Variants in PLXNB2 observed in about 807,000 individuals in gnomAD.
PLXNB2 encodes plexin-B2.
Under a neutral mutation model 202.6 loss-of-function variants are expected in PLXNB2, and 85 were observed. The ratio of observed to expected loss-of-function variants is 0.42; its 90% CI spans 0.35 to 0.50. The LOEUF is 0.50. Among genes scored for constraint, PLXNB2 ranks in the 20% least tolerant of loss-of-function variants. The probability of loss-of-function intolerance (pLI) is 0.02; values close to 1 mark genes in which losing one functional copy is unlikely to be tolerated. For missense variants in PLXNB2, 2,063 were observed against 2,586.2 expected, an observed-to-expected ratio of 0.80 and a Z score of 4.39; for synonymous variants, 1,239 against 1,137.6, an observed-to-expected ratio of 1.09 and a Z score of -1.79.
chr22:50,302,373 G>A (rs1278421874), intron 1 of PLXNB2, among the ~76,000 whole-genome samples: 2 of 152,210 alleles, frequency 1.3e-5, no homozygotes, highest in African/African-American at 4.8e-5. Flanking sequence ...CCCGTGGCTG[G>A]AGCTGTGTGG....
At chr22:50,304,769 G>A (rs868729706) in intron 1 of PLXNB2, among the ~76,000 whole-genome samples, 1 of 152,040 alleles carries the variant, frequency 6.6e-6, no homozygotes, top group Non-Finnish European at 1.5e-5. Context: ...CTGAGGGAGG[G>A]AGGGGCTGTG....
rs372540030 is a variant in PLXNB2, at chr22:50,303,397, C to T, written c.-74+4156G>A. On this transcript the variant is annotated intron_variant, in intron 1 of 36. Coordinates refer to ENST00000359337, the MANE Select transcript of PLXNB2 (RefSeq NM_012401.4). ...GGAAGGAGCAGACAGTGCCCCCAGACGCCAATCTGACAGGGGGCCCAATCT... is the reference window on the plus strand; with the variant it reads ...GGAAGGAGCAGACAGTGCCCCCAGATGCCAATCTGACAGGGGGCCCAATCT... 3.0e-4 allele frequency among the ~76,000 whole-genome samples: 46 copies of T among 152,320 alleles called. 1 individual carries two copies. The highest frequency in any genetic ancestry group is 6.3e-4 in the African/African-American group (26 of 41,584).
intron 1 of PLXNB2, chr22:50,300,194 G>T: frequency 1.2e-6 from 1 of 861,924 alleles, no homozygotes; most frequent in Non-Finnish European, 1.4e-6. Context: ...GCGCGGGCGG[G>T]TGGGAGTCTG....
intron 1 of PLXNB2, among the ~76,000 whole-genome samples, 163 bp downstream of exon 1, chr22:50,307,390 A>G (rs2067928354): frequency 6.6e-6 from 1 of 150,636 alleles, no homozygotes; most frequent in Admixed American, 6.6e-5. Flanking sequence ...CGCCGGATGG[A>G]CCGACGGACG....
At position 50,289,573 on chromosome 22, in the gene PLXNB2, G is replaced by A. The variant is rs372336824; in HGVS notation, c.1012C>T (p.Arg338Cys). ...NACYTGTREA[R>C]DIFYKPFHGD... is the part of the protein sequence containing the mutation. Reference sequence around the variant, plus strand: ...TGGAAGGGCTTGTAGAAGATGTCACGGGCCTCCCGGGTGCCTGTGTAACAG... The same window carrying A: ...TGGAAGGGCTTGTAGAAGATGTCACAGGCCTCCCGGGTGCCTGTGTAACAG... Residue 338 changes from arginine (R) to cysteine (C), a missense_variant, in exon 3 of 37, where the codon CGT becomes TGT. Coordinates refer to ENST00000359337, the MANE Select transcript of PLXNB2 (RefSeq NM_012401.4). The surrounding 1 kb of genome is among the most constrained non-coding windows in gnomAD (Gnocchi z 8.0). 1.2e-4 allele frequency: 199 copies of A among 1,611,386 alleles called. No individual in the cohort carries two copies. The highest frequency in any genetic ancestry group is 1.6e-4 in the Non-Finnish European group (189 of 1,179,878).
intron 26 of PLXNB2, 88 bp from the exon 27 acceptor site, chr22:50,279,864 G>T: frequency 6.6e-7 from 1 of 1,512,382 alleles, no homozygotes; most frequent in Admixed American, 1.8e-5. Flanking sequence ...GCATGGACGG[G>T]GCTGACCATG....
intron 1 of PLXNB2, among the ~76,000 whole-genome samples, chr22:50,295,437 A>T (rs2067192605): frequency 6.6e-6 from 1 of 152,168 alleles, no homozygotes; most frequent in Admixed American, 6.5e-5. Context: ...CATCTGTGGA[A>T]TGGAGACAGA....
intron 18 of PLXNB2, 36 bp downstream of exon 18, chr22:50,282,675 G>T: frequency 1.4e-6 from 2 of 1,475,806 alleles, no homozygotes; most frequent in Non-Finnish European, 1.9e-6. Context: ...AGCTGGGTGT[G>T]GGGAGCAGAG....
At chr22:50,276,943 G>T (rs761382389) in intron 33 of PLXNB2, 37 bp from the exon 34 acceptor site, 3 of 1,488,624 alleles carry the variant, frequency 2.0e-6, no homozygotes, top group Non-Finnish European at 9.2e-7. Flanking sequence ...CTGGCCAAGG[G>T]GGCCAGGCTG....
In PLXNB2 at chr22:50,283,368, C is replaced by T. The variant is rs201999293; in HGVS notation, c.2648G>A (p.Arg883His). The change falls in exon 16 of 37, where the codon CGT becomes CAT. Residue 883 changes from arginine (R) to histidine (H), a missense_variant. By Grantham distance (29) the Arg-to-His change is conservative. Around this residue, in one of 2 missense-constraint regions of PLXNB2, gnomAD observed 1,303 missense variants for 1,476.8 expected, o/e 0.88. Transcript: ENST00000359337. ...GGTGAACTGGACATTGGGAGGCGAA[C>T]GGCCCAGTTTCCCGAAGACGTCCAC... is the stretch of plus-strand genomic sequence containing the variant. Reference protein sequence around the residue: ...VEVDVFGKLGRSPPNVQFTFQ... With the variant: ...VEVDVFGKLGHSPPNVQFTFQ... 1.5e-4 allele frequency: 246 copies of T among 1,613,054 alleles called. No individual in the cohort carries two copies. Among genetic ancestry groups the T allele is most frequent in the Non-Finnish European group, 1.9e-4 (223 of 1,179,916 alleles).
In PLXNB2 at chr22:50,283,947, C is replaced by T. The variant is rs1198294390; in HGVS notation, c.2307G>A (p.Leu769=). 6.4e-6 allele frequency: 10 copies of T among 1,558,902 alleles called. No homozygotes were observed. The highest frequency in any genetic ancestry group is 5.2e-6 in the Non-Finnish European group (6 of 1,153,950). ...NCSFGRSDCS[L]CRAANPDYRC... ...TGTAGTCGGGGTTAGCGGCCCGGCA[C>T]AGGCTGCAGTCGCTGCGGCCAAAGG... Residue 769 remains leucine (L), a synonymous_variant, in exon 14 of 37, where the codon CTG becomes CTA. Transcript: ENST00000359337.
chr22:50,280,833 G>A lies in PLXNB2; in HGVS notation c.3904C>T (p.Leu1302=), dbSNP rs1222184909. 6.2e-7 allele frequency: 1 copy of A among 1,613,342 alleles called. No homozygotes were observed. Among genetic ancestry groups the A allele is most frequent in the East Asian group, 2.2e-5 (1 of 44,880 alleles). ...GGCCGCCGCGGCTCAGGGATGTCCA[G>A]CTTGCCGGTGATCATCACGTCCTTG... is the stretch of plus-strand genomic sequence containing the variant. ...GDKDVMITGK[L]DIPEPRRPVV... Residue 1302 remains leucine, a synonymous_variant, in exon 24 of 37, where the codon CTG becomes TTG. Transcript: ENST00000359337.
At position 50,278,163 on chromosome 22, in the gene PLXNB2, G is replaced by A. The variant is rs541570546; in HGVS notation, c.4841C>T (p.Thr1614Met). 9.4e-6 allele frequency: 15 copies of A among 1,596,296 alleles called. No individual in the cohort carries two copies. The African/African-American group carries it at 1.1e-4, about 12-fold the overall frequency. Reference protein sequence around the residue: ...KRGSVKEKERTKAITEIYLTR... With the variant: ...KRGSVKEKERMKAITEIYLTR... ...CAGGTAGATCTCGGTGATGGCCTTC[G>A]TCCGCTCCTTCTCTTTCACGCTGCC... The change falls in exon 31 of 37, where the codon ACG becomes ATG. Residue 1614 changes from threonine to methionine, a missense_variant. Transcript: ENST00000359337.
intron 1 of PLXNB2, among the ~76,000 whole-genome samples, chr22:50,306,322 G>A (rs904327197): frequency 2.9e-4 from 44 of 152,188 alleles, no homozygotes; most frequent in Non-Finnish European, 5.1e-4. Context: ...AGTCGGCTCT[G>A]GGGATTTCTA....
At chr22:50,302,675 C>T (rs777394198) in intron 1 of PLXNB2, among the ~76,000 whole-genome samples, 2 of 152,172 alleles carry the variant, frequency 1.3e-5, no homozygotes, top group Admixed American at 1.3e-4. Flanking sequence ...GAGGCCAAGC[C>T]CCTCAGCTCC....
chr22:50,300,873 C>T (rs1004861647), intron 1 of PLXNB2, among the ~76,000 whole-genome samples: 1 of 152,178 alleles, frequency 6.6e-6, no homozygotes, highest in Non-Finnish European at 1.5e-5. Flanking sequence ...ACAGCCCCCA[C>T]TGGTCCACAC....
chr22:50,288,654 T>G lies in PLXNB2; in HGVS notation c.1380+89A>C. 1 of 1,545,938 alleles carries G rather than the reference T, an allele frequency of 6.5e-7. No homozygotes were observed. Among genetic ancestry groups the G allele is most frequent in the Non-Finnish European group, 8.7e-7 (1 of 1,143,020 alleles). On this transcript the variant is annotated intron_variant, in intron 5 of 36. Coordinates refer to ENST00000359337, the MANE Select transcript of PLXNB2 (RefSeq NM_012401.4). This position sits in a 1 kb window ranked among gnomAD's most constrained non-coding sequence, Gnocchi z 5.0. ...CCAGCTCTGCAGCACCCCATCCTCC[T>G]CTGGCCCCCAGGCCTGTCCTAAGGG...
At position 50,297,574 on chromosome 22, in the gene PLXNB2, C is replaced by T. The variant is rs1601763364; in HGVS notation, c.-73-2796G>A. On this transcript the variant is annotated intron_variant, in intron 1 of 36. Coordinates refer to ENST00000359337, the MANE Select transcript of PLXNB2 (RefSeq NM_012401.4). The surrounding 1 kb of genome is among the most constrained non-coding windows in gnomAD (Gnocchi z 5.3). Reference sequence around the variant, plus strand: ...TCTGCCCGGCCTCTGGCTTCTCCCACCTCCATCCATCTTGCCCTCAACACT... The same window carrying T: ...TCTGCCCGGCCTCTGGCTTCTCCCATCTCCATCCATCTTGCCCTCAACACT... Among the ~76,000 whole-genome samples the T allele has an allele frequency of 6.6e-6, 1 of 152,196 alleles. No homozygotes were observed. The highest frequency in any genetic ancestry group is 2.4e-5 in the African/African-American group (1 of 41,448).
chr22:50,299,080 G>A (rs899508885), intron 1 of PLXNB2, among the ~76,000 whole-genome samples: 1 of 152,224 alleles, frequency 6.6e-6, no homozygotes, highest in Non-Finnish European at 1.5e-5. Flanking sequence ...AGAGGGCAGG[G>A]GCCAGAGGAG....
Sources: allele counts gnomAD v4.1 joint callset (sites outside exome capture counted in the v4.1 genomes callset), GRCh38; gene constraint gnomAD v4.1.1; regional missense constraint gnomAD v4.1.1; non-coding constraint Gnocchi (gnomAD v3.1); transcripts MANE v1.5; gene names NCBI Gene and HGNC (gene_info 2026-07-23, HGNC 2026-07-21).